The following CCDC171 variants were observed in gnomAD, a reference collection of about 807,000 sequenced individuals.
The protein encoded by CCDC171 is coiled-coil domain-containing protein 171.
In CCDC171, 177 loss-of-function variants were observed where a neutral mutation model predicts 168.2. That is an observed-to-expected ratio of 1.05 (90% CI 0.93 to 1.19). The LOEUF (loss-of-function observed/expected upper bound fraction) is 1.19, where lower values mean the gene tolerates loss of function less well. Ranked by LOEUF, CCDC171 falls within the 50% of genes most tolerant of loss-of-function variation. The pLI, the probability that CCDC171 is intolerant of heterozygous loss-of-function variation, is 0.00. For synonymous variants in CCDC171, 687 were observed against 540.8 expected, an observed-to-expected ratio of 1.27 and a Z score of -3.75; for missense variants, 1,991 against 1,539.0, an observed-to-expected ratio of 1.29 and a Z score of -4.91.
the CCDC171 span, among the ~76,000 whole-genome samples, chr9:16,068,773 G>GA: frequency 6.6e-6 from 1 of 151,812 alleles, no homozygotes. Context: ...TATTCTGCCA[G>GA]GATACGATGT....
intron 18 of CCDC171, among the ~76,000 whole-genome samples, chr9:15,756,096 A>G (rs10962142): frequency 0.38 from 57,344 of 151,940 alleles, 13,303 homozygotes; most frequent in East Asian, 0.65. Flanking sequence ...AACCTGAATC[A>G]CATGGTTATT....
At chr9:16,038,004 T>G (rs1172463924), upstream of CCDC171, among the ~76,000 whole-genome samples, 1 of 152,168 alleles carries the variant, frequency 6.6e-6, no homozygotes, top group African/African-American at 2.4e-5. Context: ...TCAAGTCCAC[T>G]ATAATGAAAT....
intron 23 of CCDC171, among the ~76,000 whole-genome samples, chr9:15,869,520 T>TTG (rs201988368): frequency 0.015 from 2,306 of 151,270 alleles, 31 homozygotes; most frequent in East Asian, 0.078. Context: ...AGTGTTTTTT[T>TTG]TTTGTTTGTT....
chr9:15,573,494 C>G (rs978986391), intron 3 of CCDC171, among the ~76,000 whole-genome samples: 1 of 152,038 alleles, frequency 6.6e-6, no homozygotes, highest in Non-Finnish European at 1.5e-5. Flanking sequence ...GTTGGCTAGG[C>G]TGGTCTTGAA....
chr9:15,876,455 A>G (rs1245936523), intron 24 of CCDC171, among the ~76,000 whole-genome samples: 2 of 152,092 alleles, frequency 1.3e-5, no homozygotes, highest in African/African-American at 4.8e-5. Flanking sequence ...ACACTTCACC[A>G]CCACCACCAC....
chr9:15,780,604 G>A (rs889637661), intron 20 of CCDC171, among the ~76,000 whole-genome samples: 5 of 152,064 alleles, frequency 3.3e-5, no homozygotes, highest in African/African-American at 7.2e-5. Context: ...GTTGAAATGT[G>A]GATGCATTTT....
chr9:15,587,263 T>C (rs974227864), intron 4 of CCDC171, among the ~76,000 whole-genome samples: 1 of 152,216 alleles, frequency 6.6e-6, no homozygotes, highest in Non-Finnish European at 1.5e-5. Flanking sequence ...CTTGTAGCTG[T>C]CATAATTCCC....
chr9:16,088,036 G>T, the CCDC171 span, among the ~76,000 whole-genome samples: 1 of 152,188 alleles, frequency 6.6e-6, no homozygotes, highest in African/African-American at 2.4e-5. Context: ...GATCAACTTG[G>T]CTTCATCCCT....
chr9:15,821,276 C>G (rs1229015962), intron 21 of CCDC171, among the ~76,000 whole-genome samples: 1 of 116,978 alleles, frequency 8.5e-6, no homozygotes. Flanking sequence ...AAAACTGGCA[C>G]AAGACAGGGA....
intron 21 of CCDC171, among the ~76,000 whole-genome samples, chr9:15,789,278 C>A (rs529725399): frequency 1.3e-5 from 2 of 152,174 alleles, no homozygotes; most frequent in East Asian, 3.9e-4. Flanking sequence ...TACAAACTTT[C>A]CAAAATGCAA....
chr9:16,009,021 A>G (rs1832784831), intron 3 of CCDC171, among the ~76,000 whole-genome samples: 3 of 151,746 alleles, frequency 2.0e-5, no homozygotes, highest in Admixed American at 6.6e-5. Flanking sequence ...CAATAATACA[A>G]TTTGTATTAT....
chr9:15,605,434 C>G (rs1587355058), intron 6 of CCDC171, among the ~76,000 whole-genome samples: 2 of 149,430 alleles, frequency 1.3e-5, no homozygotes, highest in East Asian at 3.9e-4. Flanking sequence ...AATCCCAGCA[C>G]TTTGGGAGGC....
At chr9:15,686,962 C>T (rs986671837) in intron 10 of CCDC171, among the ~76,000 whole-genome samples, 4 of 152,158 alleles carry the variant, frequency 2.6e-5, no homozygotes. Context: ...ATACATTCTT[C>T]TCAAGTGTAC....
At chr9:15,701,859 C>T (rs2051776286) in intron 11 of CCDC171, among the ~76,000 whole-genome samples, 1 of 152,284 alleles carries the variant, frequency 6.6e-6, no homozygotes, top group Non-Finnish European at 1.5e-5. Flanking sequence ...TCCCATGTAT[C>T]ACAAGTGTTT....
chr9:15,658,259 T>A (rs1384577808), intron 8 of CCDC171, among the ~76,000 whole-genome samples: 2 of 152,196 alleles, frequency 1.3e-5, no homozygotes, highest in East Asian at 3.8e-4. Flanking sequence ...CTAAGAAACT[T>A]AGACTTATTT....
chr9:15,759,143 A>G (rs1166507409), intron 18 of CCDC171, among the ~76,000 whole-genome samples: 1 of 151,986 alleles, frequency 6.6e-6, no homozygotes, highest in Admixed American at 6.6e-5. Context: ...CTTTCCTCCT[A>G]TCCATCCACT....
intron 21 of CCDC171, among the ~76,000 whole-genome samples, chr9:15,812,267 C>T: frequency 6.6e-6 from 1 of 152,144 alleles, no homozygotes; most frequent in East Asian, 1.9e-4. Flanking sequence ...AGGAAACCAC[C>T]ATTAAGTTCA....
the CCDC171 span, among the ~76,000 whole-genome samples, chr9:16,083,688 C>A: frequency 6.6e-6 from 1 of 152,132 alleles, no homozygotes; most frequent in South Asian, 2.1e-4. Flanking sequence ...TTCATATTCC[C>A]TGGGGATGGA....
intron 25 of CCDC171, among the ~76,000 whole-genome samples, chr9:15,928,500 A>C (rs1335012614): frequency 6.6e-6 from 1 of 151,604 alleles, no homozygotes; most frequent in Non-Finnish European, 1.5e-5. Context: ...CTGTTTGAGA[A>C]ACTCTCACTG....
Sources: allele counts gnomAD v4.1 joint callset (sites outside exome capture counted in the v4.1 genomes callset), GRCh38; gene constraint gnomAD v4.1.1; transcripts MANE v1.5; gene names NCBI Gene and HGNC (gene_info 2026-07-23, HGNC 2026-07-21).